Variants in AKAP6 observed in about 807,000 individuals in gnomAD.
AKAP6 encodes the protein A-kinase anchoring protein 6.
AKAP6 carries 58 observed loss-of-function variants against 188.5 expected under a neutral mutation model. The observed-to-expected ratio is 0.31, with a 90% CI of 0.25 to 0.38. AKAP6 has a LOEUF of 0.38. Among genes scored for constraint, AKAP6 ranks in the 10% least tolerant of loss-of-function variants. The pLI, the probability that AKAP6 is intolerant of heterozygous loss-of-function variation, is 1.00. For missense variants in AKAP6, 2,710 were observed against 2,740.0 expected (o/e 0.99, Z 0.24); for synonymous variants, 989 against 998.6 (o/e 0.99, Z 0.18).
rs140064896 is a variant in AKAP6 at position 32,351,652 on chromosome 14, A to T, written c.-35+22244A>T. Among the ~76,000 whole-genome samples the T allele has an allele frequency of 2.6e-3, 401 of 152,216 alleles. 2 individuals are homozygous for T. The highest frequency in any genetic ancestry group is 9.0e-3 in the African/African-American group (374 of 41,516). ...TAGTAAAGACTAAGAAAAGAAATGT[A>T]TTAATCTTTAAATACATAGAATTAT... On this transcript the variant is annotated intron_variant, in intron 1 of 13. Coordinates refer to ENST00000280979, the MANE Select transcript of AKAP6 (RefSeq NM_004274.5).
At position 32,691,339 on chromosome 14, in the gene AKAP6, A is replaced by G. The variant is rs143486741; in HGVS notation, c.2880-4651A>G. 5.7e-3 allele frequency among the ~76,000 whole-genome samples: 866 copies of G among 152,248 alleles called. 12 individuals are homozygous for G. The highest frequency in any genetic ancestry group is 0.02 in the African/African-American group (842 of 41,540). Reference sequence around the variant, plus strand: ...CCCTTGATAAATTCATTTGTTCATGATCTTCTCTGTTTTCCTGCAGAGTAG... The same window carrying G: ...CCCTTGATAAATTCATTTGTTCATGGTCTTCTCTGTTTTCCTGCAGAGTAG... On this transcript the variant is annotated intron_variant, in intron 8 of 13. Transcript: ENST00000280979.
intron 8 of AKAP6, among the ~76,000 whole-genome samples, chr14:32,687,400 ATCTCTC>A (rs71115092): frequency 0.063 from 8,182 of 128,898 alleles, 338 homozygotes; most frequent in East Asian, 0.14. Flanking sequence ...CATACTAACT[ATCTCTC>A]TCTCTCTCTC....
At chr14:32,653,545 C>T (rs1406133134) in intron 7 of AKAP6, among the ~76,000 whole-genome samples, 1 of 152,092 alleles carries the variant, frequency 6.6e-6, no homozygotes, top group African/African-American at 2.4e-5. Context: ...TTCCTGAGGC[C>T]TCCTTAGAAG....
At chr14:32,622,315 G>A (rs577240368) in intron 7 of AKAP6, among the ~76,000 whole-genome samples, 3 of 152,054 alleles carry the variant, frequency 2.0e-5, no homozygotes, top group African/African-American at 7.2e-5. Context: ...TATAATGATT[G>A]AAATGCTTTG....
At position 32,832,284 on chromosome 14, in the gene AKAP6, T is replaced by C. The variant is rs1478079758; in HGVS notation, c.*2479T>C. 6 of 152,144 alleles carry C rather than the reference T, an allele frequency of 3.9e-5. No individual in the cohort carries two copies. The highest frequency in any genetic ancestry group is 5.9e-5 in the Non-Finnish European group (4 of 68,032). The allele number at this position is 152,144 out of a possible 1,614,324, so 9.4% of individuals were successfully genotyped here. Reference sequence around the variant, plus strand: ...GTCTTTGAAATTTCTAAGGGCATTCTAGACCTCTGTTGGGATATGGTATTA... The same window carrying C: ...GTCTTTGAAATTTCTAAGGGCATTCCAGACCTCTGTTGGGATATGGTATTA... On this transcript the variant is annotated 3_prime_UTR_variant, in exon 14 of 14. Coordinates refer to ENST00000280979, the MANE Select transcript of AKAP6 (RefSeq NM_004274.5).
At chr14:32,714,293 A>G (rs2030062773) in intron 9 of AKAP6, among the ~76,000 whole-genome samples, 1 of 152,178 alleles carries the variant, frequency 6.6e-6, no homozygotes, top group South Asian at 2.1e-4. Flanking sequence ...CCAAATTACT[A>G]AAATGTAACG....
intron 8 of AKAP6, among the ~76,000 whole-genome samples, chr14:32,691,026 T>A (rs1053584705): frequency 2.6e-5 from 4 of 152,188 alleles, no homozygotes; most frequent in African/African-American, 9.7e-5. Context: ...CCTTTTAACA[T>A]CTAGGAGCTC....
intron 11 of AKAP6, among the ~76,000 whole-genome samples, chr14:32,760,886 C>T (rs2032513289): frequency 6.6e-6 from 1 of 152,120 alleles, no homozygotes; most frequent in Non-Finnish European, 1.5e-5. Context: ...CTCTCTACTA[C>T]CTAATATCAT....
rs532522018 is a variant in AKAP6 at position 32,509,359 on chromosome 14, C to T, written c.325-26195C>T. Among the ~76,000 whole-genome samples, 3 of 152,062 alleles carry T rather than the reference C, an allele frequency of 2.0e-5. No homozygotes were observed. The East Asian group carries it at 5.8e-4, about 29-fold the overall frequency. On this transcript the variant is annotated intron_variant, in intron 2 of 13. Transcript: ENST00000280979. ...TCCAGGCTGGTCTTAAACTCCTGAG[C>T]TCAGGCAATCTGCCCACCTTGGCTT...
intron 2 of AKAP6, among the ~76,000 whole-genome samples, chr14:32,461,173 T>C (rs187002450): frequency 1.3e-5 from 2 of 152,236 alleles, no homozygotes; most frequent in East Asian, 3.9e-4. Context: ...TTCTCTGAAA[T>C]GAGCAGCTGA....
intron 8 of AKAP6, among the ~76,000 whole-genome samples, chr14:32,686,372 G>T (rs566797987): frequency 3.9e-5 from 6 of 152,156 alleles, no homozygotes; most frequent in Non-Finnish European, 7.4e-5. Flanking sequence ...AAGACCTAGC[G>T]CTTGATAGCA....
chr14:32,721,982 A>G (rs918963742), intron 9 of AKAP6, among the ~76,000 whole-genome samples: 3 of 152,164 alleles, frequency 2.0e-5, no homozygotes, highest in African/African-American at 7.2e-5. Context: ...GGAACCCACT[A>G]TCTCTCATGC....
At chr14:32,819,725 G>A (rs1249239495) in intron 12 of AKAP6, among the ~76,000 whole-genome samples, 2 of 152,066 alleles carry the variant, frequency 1.3e-5, no homozygotes, top group African/African-American at 4.8e-5. Context: ...CAAAGTGGGA[G>A]GATCACTTGA....
intron 4 of AKAP6, among the ~76,000 whole-genome samples, chr14:32,560,913 G>A (rs1301130136): frequency 6.6e-6 from 1 of 152,120 alleles, no homozygotes; most frequent in African/African-American, 2.4e-5. Context: ...ATGCTAAGGG[G>A]TTTATTCACT....
chr14:32,788,951 T>C (rs1594946809), intron 12 of AKAP6, among the ~76,000 whole-genome samples: 1 of 152,026 alleles, frequency 6.6e-6, no homozygotes, highest in East Asian at 1.9e-4. Context: ...CAGGCTGGAG[T>C]CTGCCTGAGA....
At chr14:32,366,032 C>A (rs116757239) in intron 1 of AKAP6, among the ~76,000 whole-genome samples, 1 of 152,130 alleles carries the variant, frequency 6.6e-6, no homozygotes, top group Non-Finnish European at 1.5e-5. Flanking sequence ...AGGAGGTAAA[C>A]CCTCTCATCG....
chr14:32,739,959 C>T (rs1171919469), intron 11 of AKAP6, among the ~76,000 whole-genome samples: 1 of 152,092 alleles, frequency 6.6e-6, no homozygotes, highest in African/African-American at 2.4e-5. Context: ...AACTGTTCCC[C>T]ATAGTGGTTG....
chr14:32,750,889 CAT>C (rs1233398539), intron 11 of AKAP6, among the ~76,000 whole-genome samples: 3 of 151,690 alleles, frequency 2.0e-5, no homozygotes, highest in Non-Finnish European at 2.9e-5. Context: ...CGCCTGCCAC[CAT>C]GCCCGGCTAA....
chr14:32,421,312 G>T lies in AKAP6; in HGVS notation c.-34-12148G>T, dbSNP rs569055894. On this transcript the variant is annotated intron_variant, in intron 1 of 13. Coordinates refer to ENST00000280979, the MANE Select transcript of AKAP6 (RefSeq NM_004274.5). ...TGCCTTCAGGAACTCCTTTCCTCTA[G>T]AAGTTGGACCTCCTGCAATAGTCAC... Among the ~76,000 whole-genome samples, 4 of 146,614 alleles carry T rather than the reference G, an allele frequency of 2.7e-5. No homozygotes were observed. In the South Asian group the frequency reaches 9.2e-4, roughly 34 times the overall value.
Sources: gnomAD v4.1 joint callset for allele counts (sites outside exome capture counted in the v4.1 genomes callset) on GRCh38, gnomAD v4.1.1 for gene constraint, MANE v1.5 for transcripts, NCBI Gene and HGNC (gene_info 2026-07-23, HGNC 2026-07-21) for gene names.